GPC3: variants seen among roughly 807,000 people sequenced by gnomAD.
GPC3 encodes the protein glypican 3.
GPC3 carries 3 observed loss-of-function variants against 34.4 expected under a neutral mutation model. That is an observed-to-expected ratio of 0.09 (90% CI 0.04 to 0.23). The LOEUF is 0.23. Ranked by LOEUF, GPC3 falls within the 10% of genes least tolerant of loss-of-function variation. GPC3 has a pLI of 1.00. For synonymous variants in GPC3, 177 were observed against 174.0 expected (o/e 1.02, Z -0.13); for missense variants, 351 against 445.6 (o/e 0.79, Z 1.91).
intron 3 of GPC3, among the ~76,000 whole-genome samples, chrX:133,745,566 C>T (rs1235859286): frequency 8.9e-6 from 1 of 112,564 alleles, no homozygotes; most frequent in Non-Finnish European, 1.9e-5. Flanking sequence ...CTCTTTGATA[C>T]TTTCTCTTTA....
chrX:133,575,581 A>G (rs2069671773), intron 7 of GPC3, among the ~76,000 whole-genome samples: 1 of 111,980 alleles, frequency 8.9e-6, no homozygotes, highest in African/African-American at 3.2e-5. Flanking sequence ...AGAACAGCAC[A>G]TGGGGCCTCT....
At chrX:133,953,298 A>C in intron 1 of GPC3, 87 bp from the exon 2 acceptor site, 1 of 720,674 alleles carries the variant, frequency 1.4e-6, no homozygotes, top group South Asian at 2.1e-5. Flanking sequence ...CCCTACACAC[A>C]CACTCACACA....
At position 133,864,767 on chromosome X, in the gene GPC3, G is replaced by A. The variant is rs149431288; in HGVS notation, c.337+88283C>T. The stretch of plus-strand genomic sequence containing the variant: ...TGAAAACATTTCATTCATGATGCAA[G>A]GAGGTTTCTTATTCAAATATGAGTG... On this transcript the variant is annotated intron_variant, in intron 2 of 7. Coordinates refer to ENST00000370818, the MANE Select transcript of GPC3 (RefSeq NM_004484.4). 9.0e-3 allele frequency among the ~76,000 whole-genome samples: 1,014 copies of A among 112,904 alleles called. 13 individuals carry two copies. The highest frequency in any genetic ancestry group is 0.03 in the African/African-American group (926 of 31,156).
intron 6 of GPC3, among the ~76,000 whole-genome samples, chrX:133,627,924 A>G (rs1347656119): frequency 8.9e-6 from 1 of 112,272 alleles, no homozygotes; most frequent in Non-Finnish European, 1.9e-5. Flanking sequence ...CAAGTCATTA[A>G]TTCTCTTTAC....
chrX:133,751,081 A>G (rs951262060), intron 3 of GPC3, among the ~76,000 whole-genome samples: 33 of 98,071 alleles, frequency 3.4e-4, no homozygotes, highest in Non-Finnish European at 5.8e-4. Flanking sequence ...TCAAAAATAA[A>G]TAAATAAATA....
intron 2 of GPC3, among the ~76,000 whole-genome samples, chrX:133,889,397 G>A (rs1274326674): frequency 8.9e-6 from 1 of 112,187 alleles, no homozygotes; most frequent in Non-Finnish European, 1.9e-5. Context: ...ACATTCCATT[G>A]AGAAGGGAGA....
At chrX:133,893,584 G>T (rs2076098103) in intron 2 of GPC3, among the ~76,000 whole-genome samples, 1 of 111,522 alleles carries the variant, frequency 9.0e-6, no homozygotes, top group Admixed American at 9.6e-5. Flanking sequence ...AACCAATAAA[G>T]TGATGATATG....
intron 2 of GPC3, among the ~76,000 whole-genome samples, chrX:133,905,198 T>A (rs2076162984): frequency 8.9e-6 from 1 of 112,446 alleles, no homozygotes; most frequent in South Asian, 3.7e-4. Flanking sequence ...AAAGAGTACA[T>A]CTTGTACTGA....
intron 2 of GPC3, among the ~76,000 whole-genome samples, chrX:133,811,422 T>C (rs755768085): frequency 9.0e-6 from 1 of 111,416 alleles, no homozygotes; most frequent in Non-Finnish European, 1.9e-5. Flanking sequence ...GTGGGGGCTG[T>C]TTTTTGTTTT....
chrX:133,967,141 C>T (rs1016957090), intron 1 of GPC3, among the ~76,000 whole-genome samples: 9 of 111,913 alleles, frequency 8.0e-5, no homozygotes, highest in African/African-American at 1.9e-4. Context: ...AACACCCACA[C>T]GTACATTAGT....
At chrX:133,961,603 G>A (rs778748652) in intron 1 of GPC3, among the ~76,000 whole-genome samples, 1 of 111,625 alleles carries the variant, frequency 9.0e-6, no homozygotes, top group South Asian at 3.8e-4. Flanking sequence ...TTTACTGAAT[G>A]CCTACTTTAT....
rs759923214 is a variant in GPC3, at chrX:133,931,825, T to G, written c.337+21225A>C. On this transcript the variant is annotated intron_variant, in intron 2 of 7. Coordinates refer to ENST00000370818, the MANE Select transcript of GPC3 (RefSeq NM_004484.4). ...CACTATTGGCTTCATAGCAGAGCCA[T>G]GAATATAAACTCTATATTCCACCTC... Among the ~76,000 whole-genome samples, 3 of 111,742 alleles carry G rather than the reference T, an allele frequency of 2.7e-5. No individual in the cohort carries two copies. The East Asian group carries it at 8.5e-4, about 31-fold the overall frequency.
chrX:133,657,632 C>T (rs1440829540), intron 6 of GPC3, among the ~76,000 whole-genome samples: 5 of 111,484 alleles, frequency 4.5e-5, no homozygotes, highest in Non-Finnish European at 9.4e-5. Context: ...GAGAACATTC[C>T]ACACCTGTAG....
intron 1 of GPC3, among the ~76,000 whole-genome samples, chrX:133,982,445 C>T (rs2076545023): frequency 8.9e-6 from 1 of 111,942 alleles, no homozygotes; most frequent in South Asian, 3.8e-4. Context: ...GACTTGAACA[C>T]TCCAAAAGAA....
chrX:133,622,769 C>T (rs1305524677), intron 6 of GPC3, among the ~76,000 whole-genome samples: 4 of 111,619 alleles, frequency 3.6e-5, no homozygotes, highest in African/African-American at 1.3e-4. Context: ...GAGAACTTCC[C>T]CAACCTAGCA....
At chrX:133,710,193 T>C (rs972033778) in intron 3 of GPC3, among the ~76,000 whole-genome samples, 2 of 112,103 alleles carry the variant, frequency 1.8e-5, no homozygotes, top group Non-Finnish European at 3.8e-5. Flanking sequence ...AAGGAACAAA[T>C]GTCCTACAGA....
At chrX:133,627,385 C>T (rs1356936425) in intron 6 of GPC3, among the ~76,000 whole-genome samples, 2 of 111,694 alleles carry the variant, frequency 1.8e-5, no homozygotes, top group East Asian at 2.8e-4. Context: ...TATTCTTAAA[C>T]CATGAATAAA....
intron 7 of GPC3, among the ~76,000 whole-genome samples, chrX:133,589,957 C>G (rs957995495): frequency 9.0e-6 from 1 of 111,055 alleles, no homozygotes; most frequent in South Asian, 3.8e-4. Flanking sequence ...TTAATGCCCC[C>G]GGCAATGCAA....
rs140426425 is a variant in GPC3 at position 133,862,780 on chromosome X, A to G, written c.337+90270T>C. ...TCTACTGCCTCCCAGGCTTCCACAT[A>G]TGGTCGTGCCTTGCACAACTCTAGA... On this transcript the variant is annotated intron_variant, in intron 2 of 7. Coordinates refer to ENST00000370818, the MANE Select transcript of GPC3 (RefSeq NM_004484.4). Among the ~76,000 whole-genome samples the G allele has an allele frequency of 3.7e-3, 413 of 112,532 alleles. 1 individual carries two copies. The highest frequency in any genetic ancestry group is 5.6e-3 in the Non-Finnish European group (299 of 53,309).
Sources: gnomAD v4.1 joint callset for allele counts (sites outside exome capture counted in the v4.1 genomes callset) on GRCh38, gnomAD v4.1.1 for gene constraint, MANE v1.5 for transcripts, NCBI Gene and HGNC (gene_info 2026-07-23, HGNC 2026-07-21) for gene names.